ADAM19: variants seen among roughly 807,000 people sequenced by gnomAD.
ADAM19 encodes the protein ADAM metallopeptidase domain 19, also known as disintegrin and metalloproteinase domain-containing protein 19.
A neutral mutation model predicts 114.7 loss-of-function variants in ADAM19; 65 were observed. The observed-to-expected ratio is 0.57, with a 90% CI of 0.46 to 0.70. The LOEUF (loss-of-function observed/expected upper bound fraction) is 0.70. ADAM19 is among the 30% of genes least tolerant of loss of function. ADAM19 has a pLI of 0.00. For missense variants in ADAM19, 1,063 were observed against 1,204.7 expected (o/e 0.88, Z 1.74); for synonymous variants, 466 against 460.5 (o/e 1.01, Z -0.15).
chr5:157,502,951 C>T lies in ADAM19; in HGVS notation c.1160G>A (p.Cys387Tyr). 1 of 1,614,164 alleles carries T rather than the reference C, an allele frequency of 6.2e-7. No individual in the cohort carries two copies. Among genetic ancestry groups the T allele is most frequent in the Non-Finnish European group, 8.5e-7 (1 of 1,180,018 alleles). ...ATACCTGTCCAGCTCCCTCCTGTTG[C>T]ATCCATTGAACACTTTGGGAAAGGG... ...GHPFPKVFNG[C>Y]NRRELDRYLQ... The change falls in exon 12 of 23, where the codon TGC becomes TAC. Residue 387 changes from cysteine (C) to tyrosine (Y), a missense_variant. Physicochemically the swap from Cys to Tyr is radical, Grantham distance 194 (BLOSUM62 -2). Around this residue, in one of 3 missense-constraint regions of ADAM19, gnomAD observed 615 missense variants for 706.3 expected, o/e 0.87. Transcript: ENST00000257527.
At position 157,520,039 on chromosome 5, in the gene ADAM19, G is replaced by C; in HGVS notation, c.408-8C>G. On this transcript the variant is annotated splice_polypyrimidine_tract_variant and splice_region_variant and intron_variant, in intron 5 of 22. Coordinates refer to ENST00000257527, the MANE Select transcript of ADAM19 (RefSeq NM_033274.5). ...CTCACCGTAATCAGTCCTCTGTTGA[G>C]AGGAGAAATAGAATCTCTGGTCAAA... 1 of 1,601,428 alleles carries C rather than the reference G, an allele frequency of 6.2e-7. No individual in the cohort carries two copies. Among genetic ancestry groups the C allele is most frequent in the Non-Finnish European group, 8.5e-7 (1 of 1,172,850 alleles).
chr5:157,538,984 G>C (rs1331219234), intron 3 of ADAM19, among the ~76,000 whole-genome samples: 1 of 151,960 alleles, frequency 6.6e-6, no homozygotes, highest in Non-Finnish European at 1.5e-5. Context: ...GGTTAACATG[G>C]TGAAACCCCA....
At chr5:157,551,094 C>T (rs948541144) in intron 3 of ADAM19, among the ~76,000 whole-genome samples, 37 of 152,158 alleles carry the variant, frequency 2.4e-4, no homozygotes, top group African/African-American at 7.5e-4. Context: ...CAAATCAAAA[C>T]GGATTAAAGA....
chr5:157,518,471 G>A (rs769411331), intron 7 of ADAM19, among the ~76,000 whole-genome samples: 15 of 152,168 alleles, frequency 9.9e-5, no homozygotes, highest in Non-Finnish European at 2.1e-4. Flanking sequence ...TGCAACCTCC[G>A]CCTCCCAGGT....
intron 5 of ADAM19, among the ~76,000 whole-genome samples, chr5:157,522,694 G>A (rs1756336619): frequency 6.6e-6 from 1 of 152,184 alleles, no homozygotes; most frequent in Non-Finnish European, 1.5e-5. Flanking sequence ...GCTGAGGCAG[G>A]AGAATTGCTT....
At chr5:157,557,422 G>A (rs766804226) in intron 3 of ADAM19, among the ~76,000 whole-genome samples, 6 of 152,176 alleles carry the variant, frequency 3.9e-5, no homozygotes, top group Non-Finnish European at 7.4e-5. Flanking sequence ...AATTTTGGAT[G>A]CTCTCTGATA....
Position 157,480,265 on chromosome 5 carries a change from C to G in ADAM19, c.*684G>C. On this transcript the variant is annotated 3_prime_UTR_variant, in exon 23 of 23. Transcript: ENST00000257527. The stretch of plus-strand genomic sequence containing the variant: ...TCACGGCTCAGAGGAAGCCCAAGCC[C>G]GGTGCTCCTCCTGCTGTCTACACTG... The G allele has an allele frequency of 1.0e-6, 1 of 985,830 alleles. No individual in the cohort carries two copies. The highest frequency in any genetic ancestry group is 1.1e-4 in the East Asian group (1 of 8,820). The allele number at this position is 985,830 out of a possible 1,614,324, so 61.1% of individuals were successfully genotyped here. A position where few individuals can be genotyped will look rare whatever the true frequency, so the allele number is the denominator to read the frequency against.
chr5:157,482,831 A>C (rs986615879), intron 21 of ADAM19, among the ~76,000 whole-genome samples: 2 of 152,236 alleles, frequency 1.3e-5, no homozygotes, highest in African/African-American at 4.8e-5. Flanking sequence ...GATAGACTGA[A>C]TCAAGAAAAT....
At position 157,537,926 on chromosome 5, in the gene ADAM19, G is replaced by A. The variant is rs774274091; in HGVS notation, c.317C>T (p.Thr106Ile). ...YTSSGNPQTT[T>I]RKLEDHCFYH... ...ACCTGAACTCACCTCCAATTTCCGT[G>A]TGGTGGTTTGAGGGTTACCACTTGA... Residue 106 changes from threonine to isoleucine, a missense_variant, in exon 4 of 23, where the codon ACA (threonine) becomes ATA (isoleucine). This residue lies in a region of ADAM19 where 615 missense variants were observed against 706.3 expected (regional missense o/e 0.87). Coordinates refer to ENST00000257527, the MANE Select transcript of ADAM19 (RefSeq NM_033274.5). The A allele has an allele frequency of 1.2e-6, 2 of 1,613,986 alleles. No individual in the cohort carries two copies. The highest frequency in any genetic ancestry group is 1.7e-6 in the Non-Finnish European group (2 of 1,179,898).
At chr5:157,572,235 G>A (rs774603995) in intron 1 of ADAM19, 9 of 453,198 alleles carry the variant, frequency 2.0e-5, no homozygotes, top group East Asian at 1.4e-4. Flanking sequence ...ACAGGCACCC[G>A]CCACCACACC....
rs1754687022 is a variant in ADAM19 at position 157,479,595 on chromosome 5, C to A, written c.*1354G>T. 1 of 985,788 alleles carries A rather than the reference C, an allele frequency of 1.0e-6. No individual in the cohort carries two copies. The highest frequency in any genetic ancestry group is 1.2e-6 in the Non-Finnish European group (1 of 830,018). The allele number at this position is 985,788 out of a possible 1,614,324, so 61.1% of individuals were successfully genotyped here. On this transcript the variant is annotated 3_prime_UTR_variant, in exon 23 of 23. Coordinates refer to ENST00000257527, the MANE Select transcript of ADAM19 (RefSeq NM_033274.5). ...CAGGGAAGACAGGAGCCACCGCAGA[C>A]CCCCTCACCTGCTCAGAGCTCTCTT...
intron 8 of ADAM19, among the ~76,000 whole-genome samples, chr5:157,511,491 G>A (rs1393449205): frequency 2.0e-5 from 3 of 152,088 alleles, no homozygotes; most frequent in African/African-American, 7.2e-5. Context: ...TCCAAGAAAC[G>A]CTGGTCAAGA....
chr5:157,540,618 G>A (rs982633246), intron 3 of ADAM19, among the ~76,000 whole-genome samples: 5 of 151,992 alleles, frequency 3.3e-5, no homozygotes, highest in South Asian at 4.2e-4. Flanking sequence ...TCTTCTCCCC[G>A]GCCCCCAGCA....
chr5:157,520,158 T>C (rs1210165002), intron 5 of ADAM19, 127 bp from the exon 6 acceptor site: 8 of 862,842 alleles, frequency 9.3e-6, no homozygotes, highest in Non-Finnish European at 1.2e-5. Flanking sequence ...TTAACCTAAT[T>C]ATGGGGCCAT....
At chr5:157,539,901 T>G (rs1427005614) in intron 3 of ADAM19, among the ~76,000 whole-genome samples, 3 of 152,210 alleles carry the variant, frequency 2.0e-5, no homozygotes, top group African/African-American at 7.2e-5. Flanking sequence ...ACCGAATGAA[T>G]GGATGGATGA....
rs1440561427 is a variant in ADAM19, at chr5:157,480,613, G to A, written c.*336C>T. ...TCTGCAAGCGAAGTGCTGGCCTGAG[G>A]GGCTTGCTGGCCTTGAGCATCTCCA... is the stretch of plus-strand genomic sequence containing the variant. On this transcript the variant is annotated 3_prime_UTR_variant, in exon 23 of 23. Transcript: ENST00000257527. 2.6e-6 allele frequency: 3 copies of A among 1,140,600 alleles called. No homozygotes were observed. The highest frequency in any genetic ancestry group is 3.2e-6 in the Non-Finnish European group (3 of 925,066). The allele number at this position is 1,140,600 out of a possible 1,614,324, so 70.7% of individuals were successfully genotyped here.
rs758319818 is a variant in ADAM19 at position 157,480,226 on chromosome 5, C to T, written c.*723G>A. On this transcript the variant is annotated 3_prime_UTR_variant, in exon 23 of 23. Transcript: ENST00000257527. Reference sequence around the variant, plus strand: ...CTAAAAATTATCCAGAGTCAGGAGTCGCAACCTTTGGCATCACGGCTCAGA... The same window carrying T: ...CTAAAAATTATCCAGAGTCAGGAGTTGCAACCTTTGGCATCACGGCTCAGA... The T allele has an allele frequency of 1.5e-4, 150 of 985,930 alleles. No individual in the cohort carries two copies. Among genetic ancestry groups the T allele is most frequent in the Middle Eastern group, 1.0e-3 (2 of 1,936 alleles). The allele number at this position is 985,930 out of a possible 1,614,324, so 61.1% of individuals were successfully genotyped here. A position where few individuals can be genotyped will look rare whatever the true frequency, so the allele number is the denominator to read the frequency against.
chr5:157,509,199 T>G (rs1463966679), intron 9 of ADAM19, 102 bp downstream of exon 9: 3 of 1,276,710 alleles, frequency 2.3e-6, no homozygotes, highest in African/African-American at 1.5e-5. Flanking sequence ...AGAATGGCCT[T>G]GTACAACCAA....
Position 157,480,884 on chromosome 5 carries a change from C to T in ADAM19, c.*65G>A. 6 of 1,610,822 alleles carry T rather than the reference C, an allele frequency of 3.7e-6. No individual in the cohort carries two copies. The highest frequency in any genetic ancestry group is 5.1e-6 in the Non-Finnish European group (6 of 1,178,802). On this transcript the variant is annotated 3_prime_UTR_variant, in exon 23 of 23. Transcript: ENST00000257527. ...GGCCAGACATGCTTCTTCAGGGTTCCATGGCCATGGGTCCTCTGCAGTGTC... is the reference window on the plus strand; with the variant it reads ...GGCCAGACATGCTTCTTCAGGGTTCTATGGCCATGGGTCCTCTGCAGTGTC...
Sources: gnomAD v4.1 joint callset for allele counts (sites outside exome capture counted in the v4.1 genomes callset) on GRCh38, gnomAD v4.1.1 for gene constraint, gnomAD v4.1.1 regional missense constraint, MANE v1.5 for transcripts, NCBI Gene and HGNC (gene_info 2026-07-23, HGNC 2026-07-21) for gene names.